PTPRD: variants seen among roughly 807,000 people sequenced by gnomAD.
PTPRD encodes receptor-type tyrosine-protein phosphatase delta.
Under a neutral mutation model 214.5 loss-of-function variants are expected in PTPRD, and 34 were observed. The observed-to-expected ratio is 0.16, with a 90% CI of 0.12 to 0.21. PTPRD has a LOEUF of 0.21. Ranked by LOEUF, PTPRD falls within the 10% of genes least tolerant of loss-of-function variation. PTPRD has a pLI of 1.00. For synonymous variants in PTPRD, 1,128 were observed against 845.7 expected, an observed-to-expected ratio of 1.33 and a Z score of -5.79; for missense variants, 2,545 against 2,398.7, an observed-to-expected ratio of 1.06 and a Z score of -1.27.
At chr9:8,829,599 T>G (rs764878840) in intron 11 of PTPRD, among the ~76,000 whole-genome samples, 33 of 152,150 alleles carry the variant, frequency 2.2e-4, no homozygotes, top group Admixed American at 1.2e-3. Flanking sequence ...ACTGGACTTT[T>G]CCCCCTGACT....
At chr9:9,199,615 C>T (rs752972233) in intron 9 of PTPRD, among the ~76,000 whole-genome samples, 1 of 151,922 alleles carries the variant, frequency 6.6e-6, no homozygotes, top group Non-Finnish European at 1.5e-5. Flanking sequence ...CCACAGATCA[C>T]CATATTTGGA....
chr9:9,545,274 G>T (rs543994359), intron 8 of PTPRD, among the ~76,000 whole-genome samples: 3 of 151,772 alleles, frequency 2.0e-5, no homozygotes, highest in Admixed American at 1.3e-4. Flanking sequence ...TAGTTCCACT[G>T]TGCTAAAAAT....
At chr9:8,615,159 C>G (rs576481451) in intron 14 of PTPRD, among the ~76,000 whole-genome samples, 3 of 152,254 alleles carry the variant, frequency 2.0e-5, no homozygotes, top group African/African-American at 7.2e-5. Context: ...GAAGAAAGCA[C>G]TCAATTAGCA....
chr9:9,625,912 T>C (rs968698979), intron 7 of PTPRD, among the ~76,000 whole-genome samples: 1 of 152,142 alleles, frequency 6.6e-6, no homozygotes, highest in Non-Finnish European at 1.5e-5. Context: ...GCAGACTTTA[T>C]CTGTAAAAGG....
chr9:9,950,019 TAA>T (rs1224787466), intron 4 of PTPRD, among the ~76,000 whole-genome samples: 1 of 152,186 alleles, frequency 6.6e-6, no homozygotes, highest in Non-Finnish European at 1.5e-5. Context: ...ATTCTTAACA[TAA>T]AGTCTCTTAG....
At chr9:8,397,859 A>G (rs2091558356) in intron 36 of PTPRD, among the ~76,000 whole-genome samples, 4 of 152,120 alleles carry the variant, frequency 2.6e-5, no homozygotes, top group Non-Finnish European at 5.9e-5. Context: ...AACATCATCT[A>G]TATTATTTAT....
At chr9:8,647,805 G>A (rs193246918) in intron 12 of PTPRD, among the ~76,000 whole-genome samples, 2 of 152,204 alleles carry the variant, frequency 1.3e-5, no homozygotes, top group African/African-American at 4.8e-5. Context: ...TTTATCATTG[G>A]CCATATTTTT....
chr9:9,770,486 T>C (rs1025907670), intron 5 of PTPRD, among the ~76,000 whole-genome samples: 1 of 152,194 alleles, frequency 6.6e-6, no homozygotes, highest in Non-Finnish European at 1.5e-5. Flanking sequence ...AGATGCAATA[T>C]GTTCAGTGCC....
At chr9:9,150,140 T>G (rs1039096386) in intron 10 of PTPRD, among the ~76,000 whole-genome samples, 1 of 152,164 alleles carries the variant, frequency 6.6e-6, no homozygotes, top group African/African-American at 2.4e-5. Flanking sequence ...GGTTGCTTTC[T>G]GTAATGCCTA....
chr9:8,319,099 T>G (rs1325640971), intron 45 of PTPRD, among the ~76,000 whole-genome samples: 5 of 152,076 alleles, frequency 3.3e-5, no homozygotes. Flanking sequence ...TGGCATAATG[T>G]TTTGACTATT....
intron 4 of PTPRD, among the ~76,000 whole-genome samples, chr9:10,004,090 A>C (rs552748540): frequency 6.6e-6 from 1 of 151,916 alleles, no homozygotes; most frequent in Non-Finnish European, 1.5e-5. Flanking sequence ...ATATTCATCA[A>C]ATATTATACT....
intron 7 of PTPRD, among the ~76,000 whole-genome samples, chr9:9,664,680 A>G (rs2096682633): frequency 6.6e-6 from 1 of 151,756 alleles, no homozygotes; most frequent in South Asian, 2.1e-4. Context: ...ATGCATGGAC[A>G]GATCACTGGA....
chr9:8,356,723 T>G (rs2077074123), intron 39 of PTPRD, among the ~76,000 whole-genome samples: 1 of 152,174 alleles, frequency 6.6e-6, no homozygotes, highest in Non-Finnish European at 1.5e-5. Flanking sequence ...TCTACCAGAC[T>G]CAGCTGCAGG....
intron 11 of PTPRD, among the ~76,000 whole-genome samples, chr9:8,757,302 C>T (rs1209761724): frequency 1.3e-5 from 2 of 151,860 alleles, no homozygotes; most frequent in South Asian, 4.2e-4. Flanking sequence ...TAGAAAAGCA[C>T]GATAATATGT....
intron 5 of PTPRD, among the ~76,000 whole-genome samples, chr9:9,813,159 G>C (rs2047682010): frequency 6.6e-6 from 1 of 151,906 alleles, no homozygotes; most frequent in Non-Finnish European, 1.5e-5. Context: ...AGTCCTAAGA[G>C]GGAAGTTCAT....
At chr9:9,269,321 C>T (rs975794399) in intron 9 of PTPRD, among the ~76,000 whole-genome samples, 5 of 151,106 alleles carry the variant, frequency 3.3e-5, no homozygotes, top group Admixed American at 3.3e-4. Context: ...ACCTCACACC[C>T]GTTAGGATGG....
intron 9 of PTPRD, among the ~76,000 whole-genome samples, chr9:9,244,270 G>T (rs1224169177): frequency 2.0e-5 from 3 of 152,028 alleles, no homozygotes; most frequent in Non-Finnish European, 4.4e-5. Flanking sequence ...TTTCTTCACA[G>T]AATTGGAAAA....
intron 5 of PTPRD, among the ~76,000 whole-genome samples, chr9:9,922,037 G>C (rs1256613181): frequency 6.6e-6 from 1 of 152,108 alleles, no homozygotes; most frequent in Non-Finnish European, 1.5e-5. Context: ...AGCAGGTGGA[G>C]AAATGATTCA....
rs1593167243 is a variant in PTPRD at position 9,617,783 on chromosome 9, T to C, written c.-286-43002A>G. Among the ~76,000 whole-genome samples the C allele has an allele frequency of 2.0e-5, 3 of 151,818 alleles. No homozygotes were observed. In the South Asian group the frequency reaches 6.2e-4, roughly 32 times the overall value. On this transcript the variant is annotated intron_variant, in intron 7 of 45. Transcript: ENST00000381196. ...TTATCTTGACTTTTTTTAAGAAATA[T>C]GATTTTGGGCCCGGCGCGGTGGCTC...
Sources: gnomAD v4.1 joint callset for allele counts (sites outside exome capture counted in the v4.1 genomes callset) on GRCh38, gnomAD v4.1.1 for gene constraint, MANE v1.5 for transcripts, NCBI Gene and HGNC (gene_info 2026-07-23, HGNC 2026-07-21) for gene names.